CDR2: variants seen among roughly 807,000 people sequenced by gnomAD.
CDR2 encodes the protein cerebellar degeneration-related protein 2.
A neutral mutation model predicts 48.4 loss-of-function variants in CDR2; 34 were observed. The observed-to-expected ratio is 0.70, with a 90% CI of 0.53 to 0.94. The LOEUF (loss-of-function observed/expected upper bound fraction) is 0.94. Among genes scored for constraint, CDR2 ranks in the 40% least tolerant of loss-of-function variants. CDR2 has a pLI of 0.00. For synonymous variants in CDR2, 240 were observed against 219.7 expected (o/e 1.09, Z -0.82); for missense variants, 498 against 549.5 (o/e 0.91, Z 0.94).
chr16:22,351,296 C>G (rs574165934), intron 2 of CDR2, among the ~76,000 whole-genome samples: 13 of 152,302 alleles, frequency 8.5e-5, no homozygotes, highest in African/African-American at 2.9e-4. Flanking sequence ...CAAGTCTTTG[C>G]TATTGTGAAT....
chr16:22,364,155 C>T (rs751233308), intron 2 of CDR2, among the ~76,000 whole-genome samples: 1 of 152,018 alleles, frequency 6.6e-6, no homozygotes, highest in Non-Finnish European at 1.5e-5. Context: ...GTTGCCCAGG[C>T]TGGTCTCGAA....
At chr16:22,371,395 C>T (rs915172794) in intron 1 of CDR2, among the ~76,000 whole-genome samples, 1 of 152,142 alleles carries the variant, frequency 6.6e-6, no homozygotes, top group South Asian at 2.1e-4. Context: ...TGAGGGCCTA[C>T]AATGTACGAG....
rs531544982 is a variant in CDR2, at chr16:22,352,489, T to G, written c.193-2640A>C. On this transcript the variant is annotated intron_variant, in intron 2 of 4. Transcript: ENST00000268383. Reference sequence around the variant, plus strand: ...AGTCAAAAGTGTTTTGGAAAATTCTTTAAATTTTAGAAAGACAACATGGCG... The same window carrying G: ...AGTCAAAAGTGTTTTGGAAAATTCTGTAAATTTTAGAAAGACAACATGGCG... Among the ~76,000 whole-genome samples, 19 of 152,290 alleles carry G rather than the reference T, an allele frequency of 1.2e-4. No homozygotes were observed. In the South Asian group the frequency reaches 3.9e-3, roughly 32 times the overall value.
chr16:22,364,522 G>A (rs2049032386), intron 2 of CDR2, among the ~76,000 whole-genome samples: 2 of 151,960 alleles, frequency 1.3e-5, no homozygotes, highest in African/African-American at 4.8e-5. Context: ...TGGATATATG[G>A]GTATTCACTG....
At chr16:22,360,227 C>G (rs919525733) in intron 2 of CDR2, among the ~76,000 whole-genome samples, 3 of 152,140 alleles carry the variant, frequency 2.0e-5, no homozygotes, top group African/African-American at 7.2e-5. Flanking sequence ...TCCTCCCCTC[C>G]TTCCACCCAG....
At chr16:22,365,250 G>A in intron 1 of CDR2, 1 of 394,696 alleles carries the variant, frequency 2.5e-6, no homozygotes, top group South Asian at 4.1e-5. Context: ...TCTACTTTAT[G>A]GAGATGCAGT....
Position 22,347,093 on chromosome 16 carries a change from C to G in CDR2, c.1237G>C (p.Val413Leu). 6.2e-7 allele frequency: 1 copy of G among 1,614,192 alleles called. No homozygotes were observed. ...WELASVNPEP[V>L]SSPTTPPEYK... ...TCTGGAGGTGTTGTAGGGGAACTCACGGGCTCTGGGTTGACAGAGGCCAGT... is the reference window on the plus strand; with the variant it reads ...TCTGGAGGTGTTGTAGGGGAACTCAGGGGCTCTGGGTTGACAGAGGCCAGT... The change falls in exon 5 of 5, where the codon GTG becomes CTG. Residue 413 changes from valine (V) to leucine (L), a missense_variant. By Grantham distance (32) the Val-to-Leu change is conservative. Coordinates refer to ENST00000268383, the MANE Select transcript of CDR2 (RefSeq NM_001802.2).
chr16:22,362,622 T>C (rs1447020464), intron 2 of CDR2, among the ~76,000 whole-genome samples: 1 of 152,202 alleles, frequency 6.6e-6, no homozygotes, highest in Non-Finnish European at 1.5e-5. Flanking sequence ...TAAGACTATG[T>C]CTCTACACAA....
chr16:22,372,387 G>A (rs1320848398), intron 1 of CDR2, among the ~76,000 whole-genome samples: 1 of 152,182 alleles, frequency 6.6e-6, no homozygotes, highest in Non-Finnish European at 1.5e-5. Context: ...CTGTGCGAGT[G>A]CTTCAGTGCA....
intron 2 of CDR2, among the ~76,000 whole-genome samples, chr16:22,354,661 G>A (rs1437080432): frequency 6.6e-6 from 1 of 151,958 alleles, no homozygotes; most frequent in African/African-American, 2.4e-5. Flanking sequence ...GCCAAGGCGG[G>A]TGGATCACTT....
chr16:22,371,551 C>A (rs1437908457), intron 1 of CDR2, among the ~76,000 whole-genome samples: 1 of 152,218 alleles, frequency 6.6e-6, no homozygotes, highest in East Asian at 1.9e-4. Context: ...AGGCGAATAC[C>A]TGGCAAAGAG....
intron 1 of CDR2, chr16:22,368,901 T>C (rs1459317984): frequency 2.6e-5 from 4 of 152,190 alleles, no homozygotes; most frequent in Non-Finnish European, 5.9e-5. Flanking sequence ...GGCAAGTTAA[T>C]ACCCTGTTTT....
In CDR2 at chr16:22,364,924, T is replaced by C. The variant is rs1471438170; in HGVS notation, c.170A>G (p.Gln57Arg). 13 of 1,609,612 alleles carry C rather than the reference T, an allele frequency of 8.1e-6. No homozygotes were observed. The highest frequency in any genetic ancestry group is 1.1e-5 in the Non-Finnish European group (13 of 1,175,920). Residue 57 changes from glutamine (Q) to arginine (R), a missense_variant, in exon 2 of 5, where the codon CAG becomes CGG. Transcript: ENST00000268383. ...TACCTCAATTTCCTGTAACTGCTCC[T>C]GATTGGTTGTATACATCTGCTGAAC... is the stretch of plus-strand genomic sequence containing the variant. Reference protein sequence around the residue: ...DSVQQMYTTNQEQLQEIEYLT... With the variant: ...DSVQQMYTTNREQLQEIEYLT...
chr16:22,348,586 T>C (rs1056497912), intron 4 of CDR2, among the ~76,000 whole-genome samples: 1 of 152,206 alleles, frequency 6.6e-6, no homozygotes, highest in South Asian at 2.1e-4. Context: ...TTCATCAGAA[T>C]TGCCTGGGCA....
At chr16:22,363,667 G>C (rs964473955) in intron 2 of CDR2, among the ~76,000 whole-genome samples, 1 of 152,134 alleles carries the variant, frequency 6.6e-6, no homozygotes, top group African/African-American at 2.4e-5. Context: ...AGACACAAAA[G>C]TCCTGGGTCT....
Position 22,374,569 on chromosome 16 carries a change from G to A in CDR2, c.-260C>T, listed in dbSNP as rs949765076. On this transcript the variant is annotated 5_prime_UTR_variant, in exon 1 of 5. Coordinates refer to ENST00000268383, the MANE Select transcript of CDR2 (RefSeq NM_001802.2). The stretch of plus-strand genomic sequence containing the variant: ...CGAACGCCTGGAGCCGGAGTCTCAC[G>A]CAGCCGCCAGTCTTCACGCCGCCGC... 4.3e-5 allele frequency: 8 copies of A among 185,218 alleles called. No homozygotes were observed. Among genetic ancestry groups the A allele is most frequent in the Non-Finnish European group, 7.8e-5 (7 of 90,322 alleles). The allele number at this position is 185,218 out of a possible 1,614,324, so 11.5% of individuals were successfully genotyped here. A position where few individuals can be genotyped will look rare whatever the true frequency, so the allele number is the denominator to read the frequency against.
intron 1 of CDR2, among the ~76,000 whole-genome samples, chr16:22,373,762 C>T (rs1251591190): frequency 6.6e-6 from 1 of 152,226 alleles, no homozygotes; most frequent in Admixed American, 6.5e-5. Context: ...AGTTACGGTG[C>T]GGAGCGCACA....
At chr16:22,350,345 A>C (rs895586003) in intron 2 of CDR2, among the ~76,000 whole-genome samples, 2 of 152,064 alleles carry the variant, frequency 1.3e-5, no homozygotes, top group Non-Finnish European at 2.9e-5. Flanking sequence ...GACCCATTTC[A>C]GTTTTCTCCA....
At chr16:22,355,011 T>C (rs891355703) in intron 2 of CDR2, among the ~76,000 whole-genome samples, 4 of 152,228 alleles carry the variant, frequency 2.6e-5, no homozygotes, top group African/African-American at 2.4e-5. Context: ...ATTATCAACA[T>C]ACAGCCAATC....
Sources: allele counts gnomAD v4.1 joint callset (sites outside exome capture counted in the v4.1 genomes callset), GRCh38; gene constraint gnomAD v4.1.1; transcripts MANE v1.5; gene names NCBI Gene and HGNC (gene_info 2026-07-23, HGNC 2026-07-21).